Variants in TMEM192 observed in about 807,000 individuals in gnomAD.
TMEM192 encodes the protein transmembrane protein 192.
TMEM192 carries 20 observed loss-of-function variants against 26.7 expected under a neutral mutation model. The observed-to-expected ratio is 0.75, with a 90% confidence interval of 0.53 to 1.09. The LOEUF (loss-of-function observed/expected upper bound fraction) is 1.09. TMEM192 is among the 50% of genes least tolerant of loss of function. The pLI is 0.00. For missense variants in TMEM192, 304 were observed against 322.6 expected (o/e 0.94, Z 0.44); for synonymous variants, 124 against 121.0 (o/e 1.02, Z -0.16).
At chr4:165,090,318 G>A (rs577977023) in intron 3 of TMEM192, among the ~76,000 whole-genome samples, 28 of 149,910 alleles carry the variant, frequency 1.9e-4, no homozygotes, top group Non-Finnish European at 4.0e-4. Flanking sequence ...GGGGGGCAGA[G>A]TTTGCAGTGA....
chr4:165,090,923 A>AAAAAAAAAAAT (rs1734745240), intron 3 of TMEM192, among the ~76,000 whole-genome samples: 1 of 149,640 alleles, frequency 6.7e-6, no homozygotes, highest in Non-Finnish European at 1.5e-5. Context: ...AAAAAAAAAA[A>AAAAAAAAAAAT]AAAAAAGGTC....
intron 1 of TMEM192, among the ~76,000 whole-genome samples, 188 bp downstream of exon 1, chr4:165,112,559 G>A (rs924393511): frequency 6.6e-6 from 1 of 152,202 alleles, no homozygotes; most frequent in Non-Finnish European, 1.5e-5. Context: ...ACGTGTCGCG[G>A]ATCCCACAGC....
chr4:165,099,083 A>C (rs1374286803), intron 3 of TMEM192, among the ~76,000 whole-genome samples: 2 of 149,448 alleles, frequency 1.3e-5, no homozygotes, highest in Non-Finnish European at 3.0e-5. Flanking sequence ...TAAGTTATTT[A>C]CTACAACTTT....
At chr4:165,100,223 A>G (rs1444853740) in intron 3 of TMEM192, among the ~76,000 whole-genome samples, 1 of 148,334 alleles carries the variant, frequency 6.7e-6, no homozygotes, top group Non-Finnish European at 1.5e-5. Flanking sequence ...GCAGTGGCAC[A>G]GTCTCAGCTC....
At chr4:165,108,538 CT>C (rs1344954885) in intron 1 of TMEM192, among the ~76,000 whole-genome samples, 1 of 152,188 alleles carries the variant, frequency 6.6e-6, no homozygotes, top group Non-Finnish European at 1.5e-5. Flanking sequence ...AAGGCCTCCA[CT>C]ACTGAGGCAA....
intron 2 of TMEM192, among the ~76,000 whole-genome samples, 165 bp downstream of exon 2, chr4:165,102,784 CT>C (rs11315804): frequency 0.16 from 20,801 of 130,626 alleles, 1,886 homozygotes; most frequent in African/African-American, 0.36. Flanking sequence ...AGTGTACGTA[CT>C]TTTTTTTTTT....
At chr4:165,107,932 A>G (rs937585934) in intron 1 of TMEM192, among the ~76,000 whole-genome samples, 2 of 152,100 alleles carry the variant, frequency 1.3e-5, no homozygotes, top group African/African-American at 4.8e-5. Context: ...TATATAGAAG[A>G]CATTTATAAT....
intron 4 of TMEM192, among the ~76,000 whole-genome samples, chr4:165,086,176 C>T (rs1734611797): frequency 6.6e-6 from 1 of 152,044 alleles, no homozygotes; most frequent in Non-Finnish European, 1.5e-5. Flanking sequence ...GAAAGCAGTG[C>T]CTAACTCAAC....
At chr4:165,086,797 A>C (rs1405505700) in intron 4 of TMEM192, among the ~76,000 whole-genome samples, 1 of 150,544 alleles carries the variant, frequency 6.6e-6, no homozygotes, top group Non-Finnish European at 1.5e-5. Flanking sequence ...CCTGAAGAGC[A>C]GGCTAGGTAG....
At chr4:165,086,015 C>G (rs1734607423) in intron 4 of TMEM192, among the ~76,000 whole-genome samples, 1 of 152,160 alleles carries the variant, frequency 6.6e-6, no homozygotes. Context: ...GAGCAACCAG[C>G]CAGCCATCTA....
Position 165,083,398 on chromosome 4 carries a change from C to T in TMEM192, c.677+2188G>A, listed in dbSNP as rs1294567687. Among the ~76,000 whole-genome samples the T allele has an allele frequency of 5.0e-5, 2 of 39,998 alleles. 1 individual carries two copies. Among genetic ancestry groups the T allele is most frequent in the African/African-American group, 9.0e-5 (2 of 22,334 alleles). 26.2% of individuals were successfully genotyped at this position (39,998 alleles called of 152,430 possible). A position where few individuals can be genotyped will look rare whatever the true frequency, so the allele number is the denominator to read the frequency against. ...TAAAGACACCTCCGTTTTCATAGTT[C>T]TGTACGTATTGAGAATTATAGACAG... On this transcript the variant is annotated intron_variant, in intron 5 of 5. Transcript: ENST00000306480.
chr4:165,076,061 G>A lies in TMEM192; in HGVS notation c.*3597C>T, dbSNP rs1014517470. 6.6e-6 allele frequency: 1 copy of A among 151,554 alleles called. No homozygotes were observed. Among genetic ancestry groups the A allele is most frequent in the African/African-American group, 2.4e-5 (1 of 41,266 alleles). The allele number at this position is 151,554 out of a possible 1,614,324, so 9.4% of individuals were successfully genotyped here. A position where few individuals can be genotyped will look rare whatever the true frequency, so the allele number is the denominator to read the frequency against. ...AACAAAACAAAAAAAGTGTACATTG[G>A]TATAATCCCTTGGTAGTGAGATTTC... On this transcript the variant is annotated 3_prime_UTR_variant, in exon 6 of 6. Coordinates refer to ENST00000306480, the MANE Select transcript of TMEM192 (RefSeq NM_001100389.2).
intron 3 of TMEM192, among the ~76,000 whole-genome samples, chr4:165,097,668 G>A (rs963540689): frequency 5.4e-5 from 8 of 148,128 alleles, no homozygotes; most frequent in Admixed American, 1.4e-4. Context: ...AGGCTGGAGT[G>A]TGGTGCATAA....
intron 3 of TMEM192, among the ~76,000 whole-genome samples, chr4:165,088,968 G>A (rs9991591): frequency 0.028 from 4,171 of 150,606 alleles, 200 homozygotes; most frequent in African/African-American, 0.096. Context: ...TTGAGCCTGG[G>A]AGGTTGAGGC....
intron 3 of TMEM192, among the ~76,000 whole-genome samples, chr4:165,096,228 T>C (rs942193133): frequency 1.2e-4 from 18 of 151,842 alleles, no homozygotes; most frequent in African/African-American, 4.3e-4. Context: ...GCCAACATGG[T>C]GAAGCCTCGT....
intron 3 of TMEM192, among the ~76,000 whole-genome samples, chr4:165,092,528 C>G (rs1433634977): frequency 8.5e-5 from 13 of 152,146 alleles, no homozygotes; most frequent in Non-Finnish European, 1.5e-5. Context: ...CTACCACACA[C>G]TCAGCATATC....
rs185174076 is a variant in TMEM192, at chr4:165,093,852, A to G, written c.440-5250T>C. 1.9e-4 allele frequency among the ~76,000 whole-genome samples: 29 copies of G among 152,176 alleles called. No homozygotes were observed. In the East Asian group the frequency reaches 5.4e-3, roughly 28 times the overall value. ...ATTCTTGGCCTCCCTAGTAGCTGGA[A>G]TTACAGGCACCCGCCACGCCACCAT... On this transcript the variant is annotated intron_variant, in intron 3 of 5. Coordinates refer to ENST00000306480, the MANE Select transcript of TMEM192 (RefSeq NM_001100389.2).
Position 165,085,704 on chromosome 4 carries a change from C to A in TMEM192, c.575-16G>T. ...CGGATTTTCACTAAAATAATAAAGTCATTATTAGATCGAATTCTGAAAGAC... is the reference window on the plus strand; with the variant it reads ...CGGATTTTCACTAAAATAATAAAGTAATTATTAGATCGAATTCTGAAAGAC... On this transcript the variant is annotated splice_polypyrimidine_tract_variant and intron_variant, in intron 4 of 5. Transcript: ENST00000306480. 2 of 1,518,582 alleles carry A rather than the reference C, an allele frequency of 1.3e-6. No homozygotes were observed. Among genetic ancestry groups the A allele is most frequent in the South Asian group, 2.4e-5 (2 of 83,910 alleles). The allele number at this position is 1,518,582 out of a possible 1,614,324, so 94.1% of individuals were successfully genotyped here.
intron 3 of TMEM192, among the ~76,000 whole-genome samples, chr4:165,097,733 G>A (rs1380712279): frequency 6.6e-6 from 1 of 151,264 alleles, no homozygotes; most frequent in Non-Finnish European, 1.5e-5. Context: ...TCCCACCTCA[G>A]CCTCCCAAGT....
Sources: gnomAD v4.1 joint callset for allele counts (sites outside exome capture counted in the v4.1 genomes callset) on GRCh38, gnomAD v4.1.1 for gene constraint, MANE v1.5 for transcripts, NCBI Gene and HGNC (gene_info 2026-07-23, HGNC 2026-07-21) for gene names.